The following SLC39A11 variants were observed in gnomAD, a reference collection of about 807,000 sequenced individuals.
The protein encoded by SLC39A11 is zinc transporter ZIP11.
Under a neutral mutation model 36.1 loss-of-function variants are expected in SLC39A11, and 33 were observed. The observed-to-expected ratio is 0.91, with a 90% confidence interval of 0.69 to 1.22. The LOEUF is 1.22. Ranked by LOEUF, SLC39A11 falls within the 50% of genes most tolerant of loss-of-function variation. The pLI, the probability that SLC39A11 is intolerant of heterozygous loss-of-function variation, is 0.00. For synonymous variants in SLC39A11, 166 were observed against 170.3 expected, an observed-to-expected ratio of 0.97 and a Z score of 0.20; for missense variants, 432 against 430.3, an observed-to-expected ratio of 1.00 and a Z score of -0.03.
chr17:72,969,522 C>T (rs1174406025), intron 4 of SLC39A11, among the ~76,000 whole-genome samples: 1 of 152,182 alleles, frequency 6.6e-6, no homozygotes, highest in Non-Finnish European at 1.5e-5. Context: ...GAGATGCCAA[C>T]AATATGGCAT....
chr17:72,734,671 G>C (rs1390835059), intron 7 of SLC39A11, among the ~76,000 whole-genome samples: 1 of 152,220 alleles, frequency 6.6e-6, no homozygotes, highest in Non-Finnish European at 1.5e-5. Context: ...AGAAAGTGCA[G>C]GTGACAGAAC....
chr17:72,662,651 AAAAAG>A (rs1031528412), intron 7 of SLC39A11, among the ~76,000 whole-genome samples: 8 of 76,962 alleles, frequency 1.0e-4, no homozygotes, highest in Non-Finnish European at 5.1e-5. Context: ...AAGAAAAAGA[AAAAAG>A]AAAAGAAAAA....
In SLC39A11 at chr17:73,031,689, G is replaced by A; in HGVS notation, c.173C>T (p.Ser58Phe). 1 of 1,613,938 alleles carries A rather than the reference G, an allele frequency of 6.2e-7. No individual in the cohort carries two copies. The highest frequency in any genetic ancestry group is 1.7e-5 in the Admixed American group (1 of 59,984). Residue 58 changes from serine (S) to phenylalanine (F), a missense_variant, in exon 4 of 10, where the codon TCT becomes TTT. By Grantham distance (155) the Ser-to-Phe change is radical. Coordinates refer to ENST00000255559, the MANE Select transcript of SLC39A11 (RefSeq NM_139177.4). Reference protein sequence around the residue: ...AGVMLAASYWSLLAPAVEMAT... With the variant: ...AGVMLAASYWFLLAPAVEMAT... The stretch of plus-strand genomic sequence containing the variant: ...CATCTCAACTGCTGGGGCCAGAAGA[G>A]ACCAATAGGAAGCTGCCAACATGAC...
At chr17:72,807,266 C>T (rs543908938) in intron 6 of SLC39A11, among the ~76,000 whole-genome samples, 56 of 152,182 alleles carry the variant, frequency 3.7e-4, no homozygotes, top group African/African-American at 1.3e-3. Flanking sequence ...TCTTTCATAC[C>T]GAAGGCATGC....
intron 7 of SLC39A11, among the ~76,000 whole-genome samples, chr17:72,698,596 G>C (rs748899083): frequency 6.6e-6 from 1 of 151,770 alleles, no homozygotes; most frequent in Non-Finnish European, 1.5e-5. Context: ...AAAAAGAAAA[G>C]ACAAAAAGAA....
intron 6 of SLC39A11, chr17:72,838,981 G>C (rs1221142822): frequency 2.0e-5 from 3 of 152,162 alleles, no homozygotes; most frequent in Non-Finnish European, 2.9e-5. Flanking sequence ...ATATTACGTC[G>C]TCTTTTACTA....
At chr17:72,784,868 T>C (rs1279305358) in intron 6 of SLC39A11, among the ~76,000 whole-genome samples, 1 of 151,144 alleles carries the variant, frequency 6.6e-6, no homozygotes, top group African/African-American at 2.4e-5. Context: ...TTCTTTTTTT[T>C]TTTTTTTTTT....
At chr17:72,689,244 T>C (rs1457869482) in intron 7 of SLC39A11, among the ~76,000 whole-genome samples, 2 of 152,190 alleles carry the variant, frequency 1.3e-5, no homozygotes, top group Non-Finnish European at 2.9e-5. Flanking sequence ...AAATCTCACC[T>C]CCGCTCACTC....
At chr17:72,946,435 A>G (rs1217786012) in intron 5 of SLC39A11, among the ~76,000 whole-genome samples, 1 of 152,254 alleles carries the variant, frequency 6.6e-6, no homozygotes, top group Admixed American at 6.5e-5. Context: ...GCTGCAGCAT[A>G]GCTTTAACTT....
intron 5 of SLC39A11, among the ~76,000 whole-genome samples, chr17:72,942,941 C>T (rs954225449): frequency 6.6e-6 from 1 of 152,146 alleles, no homozygotes; most frequent in African/African-American, 2.4e-5. Flanking sequence ...CAGACAAACA[C>T]GTAAGCAGTA....
At chr17:72,873,607 G>T (rs2080753096) in intron 5 of SLC39A11, among the ~76,000 whole-genome samples, 1 of 152,144 alleles carries the variant, frequency 6.6e-6, no homozygotes, top group African/African-American at 2.4e-5. Context: ...AAGAGACCCT[G>T]GTGGGAGGCA....
At chr17:72,759,023 C>G (rs780648340) in intron 6 of SLC39A11, among the ~76,000 whole-genome samples, 3 of 152,032 alleles carry the variant, frequency 2.0e-5, no homozygotes, top group African/African-American at 7.2e-5. Flanking sequence ...ATCTCTTGAA[C>G]CCGGGAGGCG....
rs554602992 is a variant in SLC39A11 at position 72,897,022 on chromosome 17, C to T, written c.431-47218G>A. ...GAGCCAAGATCATGCCACTGCACTC[C>T]AGGCTGGGCGACAGAGTAAGACTCT... On this transcript the variant is annotated intron_variant, in intron 5 of 9. Transcript: ENST00000255559. 1.7e-3 allele frequency among the ~76,000 whole-genome samples: 208 copies of T among 121,544 alleles called. 1 individual carries two copies. The highest frequency in any genetic ancestry group is 6.6e-3 in the African/African-American group (195 of 29,646). 79.7% of individuals were successfully genotyped at this position (121,544 alleles called of 152,430 possible).
intron 4 of SLC39A11, 32 bp downstream of exon 4, chr17:73,031,524 G>A (rs531954194): frequency 2.5e-5 from 41 of 1,612,186 alleles, no homozygotes; most frequent in Non-Finnish European, 3.1e-5. Flanking sequence ...GTTGTATCCC[G>A]ATACGACAGC....
At chr17:72,868,086 T>C (rs2080401715) in intron 5 of SLC39A11, among the ~76,000 whole-genome samples, 1 of 152,368 alleles carries the variant, frequency 6.6e-6, no homozygotes, top group South Asian at 2.1e-4. Flanking sequence ...AAAGCCCTGA[T>C]CACTTGTGGT....
chr17:73,089,509 A>G (rs902306657), intron 1 of SLC39A11, among the ~76,000 whole-genome samples: 1 of 152,008 alleles, frequency 6.6e-6, no homozygotes, highest in South Asian at 2.1e-4. Flanking sequence ...CATAATGCCA[A>G]CCTCACGACC....
intron 6 of SLC39A11, among the ~76,000 whole-genome samples, chr17:72,849,194 G>C (rs942268783): frequency 6.6e-6 from 1 of 152,170 alleles, no homozygotes; most frequent in Non-Finnish European, 1.5e-5. Flanking sequence ...GGTTGGTCTT[G>C]CTCTCTCAGG....
At chr17:72,952,634 C>T (rs1178414979) in intron 4 of SLC39A11, among the ~76,000 whole-genome samples, 2 of 152,226 alleles carry the variant, frequency 1.3e-5, no homozygotes, top group Non-Finnish European at 2.9e-5. Flanking sequence ...ACATCCCTCT[C>T]TTCTTTACTT....
intron 6 of SLC39A11, among the ~76,000 whole-genome samples, chr17:72,770,320 A>G (rs939458801): frequency 1.3e-5 from 2 of 152,232 alleles, no homozygotes; most frequent in African/African-American, 2.4e-5. Context: ...TGGGAAGGTG[A>G]AAATGAAGTT....
Sources: gnomAD v4.1 joint callset for allele counts (sites outside exome capture counted in the v4.1 genomes callset) on GRCh38, gnomAD v4.1.1 for gene constraint, MANE v1.5 for transcripts, NCBI Gene and HGNC (gene_info 2026-07-23, HGNC 2026-07-21) for gene names.